The following LYPLAL1 variants were observed in gnomAD, a reference collection of about 807,000 sequenced individuals.
LYPLAL1 encodes lysophospholipase-like protein 1.
LYPLAL1 carries 23 observed loss-of-function variants against 19.7 expected under a neutral mutation model. The observed-to-expected ratio is 1.17, with a 90% CI of 0.84 to 1.65. The LOEUF is 1.65. Ranked by LOEUF, LYPLAL1 falls within the 40% of genes most tolerant of loss-of-function variation. The pLI is 0.00. For synonymous variants in LYPLAL1, 119 were observed against 96.3 expected (o/e 1.24, Z -1.38); for missense variants, 355 against 279.4 (o/e 1.27, Z -1.93).
At chr1:219,212,876 C>T (rs1248472879), downstream of LYPLAL1, 4 of 152,112 alleles carry the variant, frequency 2.6e-5, no homozygotes, top group African/African-American at 4.8e-5. Context: ...GTCTCTGCAT[C>T]GACCTATGTT....
At chr1:219,209,708 A>G (rs1225471605) in intron 3 of LYPLAL1, among the ~76,000 whole-genome samples, 1 of 152,122 alleles carries the variant, frequency 6.6e-6, no homozygotes, top group Non-Finnish European at 1.5e-5. Context: ...AAGCTTAGGA[A>G]TGTCACACTG....
At chr1:219,440,354 G>A in the LYPLAL1 span, among the ~76,000 whole-genome samples, 345 of 152,092 alleles carry the variant, frequency 2.3e-3, 1 homozygote, top group Admixed American at 3.9e-3. Flanking sequence ...GTCAACCCAG[G>A]ATCGATGTGT....
chr1:219,211,197 T>G (rs1454379503), intron 4 of LYPLAL1, among the ~76,000 whole-genome samples: 2 of 152,088 alleles, frequency 1.3e-5, no homozygotes, highest in Non-Finnish European at 2.9e-5. Flanking sequence ...TGTGAAGAGG[T>G]CTGTCTTCCC....
the LYPLAL1 span, among the ~76,000 whole-genome samples, chr1:219,245,997 A>G: frequency 1.9e-4 from 29 of 152,336 alleles, no homozygotes; most frequent in East Asian, 5.4e-3. Context: ...GGAGTTAGCC[A>G]TATCTTTGGT....
the LYPLAL1 span, among the ~76,000 whole-genome samples, chr1:219,337,423 C>G: frequency 1.3e-5 from 2 of 151,990 alleles, no homozygotes; most frequent in Non-Finnish European, 1.5e-5. Flanking sequence ...ACATAAAACA[C>G]ATAGTGTAAC....
the LYPLAL1 span, among the ~76,000 whole-genome samples, chr1:219,333,867 A>T: frequency 6.6e-6 from 1 of 151,968 alleles, no homozygotes; most frequent in African/African-American, 2.4e-5. Context: ...TGTCCAGGAG[A>T]CAGCTGCCAA....
chr1:219,444,654 G>C, the LYPLAL1 span, among the ~76,000 whole-genome samples: 1 of 152,186 alleles, frequency 6.6e-6, no homozygotes, highest in Non-Finnish European at 1.5e-5. Flanking sequence ...CAAAGTCATT[G>C]TGCTTACGGA....
chr1:219,257,725 G>A, the LYPLAL1 span, among the ~76,000 whole-genome samples: 110,833 of 151,872 alleles, frequency 0.73, 41,256 homozygotes, highest in East Asian at 0.93. Flanking sequence ...ATGAGGGTCT[G>A]TGTTCAGCTG....
At chr1:219,308,627 G>C in the LYPLAL1 span, among the ~76,000 whole-genome samples, 4 of 152,280 alleles carry the variant, frequency 2.6e-5, no homozygotes, top group Admixed American at 6.5e-5. Context: ...TCGGTTTGAG[G>C]CTTCAGAGGG....
the LYPLAL1 span, among the ~76,000 whole-genome samples, chr1:219,225,672 G>C: frequency 6.6e-6 from 1 of 151,984 alleles, no homozygotes; most frequent in African/African-American, 2.4e-5. Flanking sequence ...GAGAGTTATT[G>C]GTCTGTTCCA....
At chr1:219,259,637 G>A in the LYPLAL1 span, among the ~76,000 whole-genome samples, 2 of 151,402 alleles carry the variant, frequency 1.3e-5, no homozygotes, top group African/African-American at 2.4e-5. Context: ...TGGAGACACG[G>A]GGGGAAGGGT....
chr1:219,374,679 T>G, the LYPLAL1 span, among the ~76,000 whole-genome samples: 1 of 151,902 alleles, frequency 6.6e-6, no homozygotes, highest in Non-Finnish European at 1.5e-5. Context: ...CCTATAGACA[T>G]AATCTCTGAC....
At chr1:219,427,567 C>A in the LYPLAL1 span, among the ~76,000 whole-genome samples, 1 of 152,188 alleles carries the variant, frequency 6.6e-6, no homozygotes, top group Non-Finnish European at 1.5e-5. Context: ...TCACCTCCAA[C>A]CTCTCTACAA....
the LYPLAL1 span, among the ~76,000 whole-genome samples, chr1:219,388,440 T>C: frequency 5.3e-5 from 8 of 152,160 alleles, no homozygotes; most frequent in Non-Finnish European, 8.8e-5. Flanking sequence ...CTCTGGAGTT[T>C]ATGTGTTTTC....
chr1:219,393,502 G>C, the LYPLAL1 span, among the ~76,000 whole-genome samples: 15 of 152,140 alleles, frequency 9.9e-5, no homozygotes, highest in Non-Finnish European at 2.1e-4. Context: ...GAGGATACCT[G>C]TGTCCAGTAT....
the LYPLAL1 span, among the ~76,000 whole-genome samples, chr1:219,408,919 A>T: frequency 1.3e-5 from 2 of 152,198 alleles, no homozygotes; most frequent in East Asian, 3.9e-4. Flanking sequence ...TTGTGTTTTT[A>T]TCCATTCAGC....
At chr1:219,381,023 A>C in the LYPLAL1 span, among the ~76,000 whole-genome samples, 2 of 152,188 alleles carry the variant, frequency 1.3e-5, no homozygotes, top group African/African-American at 2.4e-5. Flanking sequence ...AGATGAAGAC[A>C]TGAGAACCCA....
the LYPLAL1 span, among the ~76,000 whole-genome samples, chr1:219,245,039 C>G: frequency 3.5e-5 from 5 of 142,066 alleles, no homozygotes; most frequent in Admixed American, 3.6e-4. Context: ...TTTCTTTTTT[C>G]CTTCTCTTTC....
chr1:219,229,090 A>T, the LYPLAL1 span, among the ~76,000 whole-genome samples: 2 of 152,026 alleles, frequency 1.3e-5, no homozygotes, highest in Admixed American at 1.3e-4. Context: ...CAGAAAGGGT[A>T]AATAATTTGC....
Sources: allele counts gnomAD v4.1 joint callset (sites outside exome capture counted in the v4.1 genomes callset), GRCh38; gene constraint gnomAD v4.1.1; transcripts MANE v1.5; gene names NCBI Gene and HGNC (gene_info 2026-07-23, HGNC 2026-07-21).